The following BCAP29 variants were observed in gnomAD, a reference collection of about 807,000 sequenced individuals.
The protein encoded by BCAP29 is B cell receptor associated protein 29, also known as B-cell receptor-associated protein 29.
In BCAP29, 34 loss-of-function variants were observed where a neutral mutation model predicts 31.8. The observed-to-expected ratio is 1.07, with a 90% confidence interval of 0.81 to 1.42. The LOEUF (loss-of-function observed/expected upper bound fraction) is 1.42. Among genes scored for constraint, BCAP29 ranks in the 40% most tolerant of loss-of-function variants. BCAP29 has a pLI of 0.00. For synonymous variants in BCAP29, 104 were observed against 91.3 expected (o/e 1.14, Z -0.79); for missense variants, 314 against 269.2 (o/e 1.17, Z -1.16).
chr7:107,621,277 C>T (rs923451024), downstream of BCAP29: 2 of 197,434 alleles, frequency 1.0e-5, no homozygotes, highest in Non-Finnish European at 2.1e-5. Context: ...TGGAACCCTC[C>T]TGTGTTTTTT....
rs1221398128 is a variant in BCAP29 at position 107,590,999 on chromosome 7, T to C, written c.194-2956T>C. ...CTATAAGCAGTAAACAATAGGCAAA[T>C]GACATTTTTAAAAATTCCTTTTCTA... On this transcript the variant is annotated intron_variant, in intron 3 of 7. Coordinates refer to ENST00000005259, the MANE Select transcript of BCAP29 (RefSeq NM_018844.4). 3.3e-5 allele frequency among the ~76,000 whole-genome samples: 5 copies of C among 152,062 alleles called. No individual in the cohort carries two copies. The South Asian group carries it at 8.3e-4, about 25-fold the overall frequency.
At chr7:107,595,312 AG>A (rs890506826) in intron 4 of BCAP29, among the ~76,000 whole-genome samples, 4 of 152,244 alleles carry the variant, frequency 2.6e-5, no homozygotes, top group African/African-American at 9.6e-5. Context: ...TAAACCCCTG[AG>A]GGCATGGACT....
chr7:107,583,782 C>T, intron 2 of BCAP29, 100 bp from the exon 3 acceptor site: 1 of 506,816 alleles, frequency 2.0e-6, no homozygotes, highest in South Asian at 4.7e-5. Flanking sequence ...GTAATTTTCA[C>T]TTGCTACACA....
intron 3 of BCAP29, among the ~76,000 whole-genome samples, chr7:107,591,759 A>G (rs920839677): frequency 6.6e-5 from 10 of 150,462 alleles, no homozygotes; most frequent in African/African-American, 2.2e-4. Flanking sequence ...AGCATAAACT[A>G]TGAGGGATTC....
chr7:107,599,189 G>GTATATAAATATATATAAA (rs1810501397), intron 5 of BCAP29, among the ~76,000 whole-genome samples: 3 of 23,874 alleles, frequency 1.3e-4, no homozygotes, highest in African/African-American at 5.4e-4. Flanking sequence ...AAATTTATAT[G>GTATATAAATATATATAAA]TATATAAATA....
Position 107,580,753 on chromosome 7 carries a change from A to C in BCAP29, c.-14-6A>C, listed in dbSNP as rs1288451958. The C allele has an allele frequency of 2.5e-6, 4 of 1,574,380 alleles. No individual in the cohort carries two copies. The highest frequency in any genetic ancestry group is 3.5e-6 in the Non-Finnish European group (4 of 1,156,034). On this transcript the variant is annotated splice_region_variant and splice_polypyrimidine_tract_variant and intron_variant, in intron 1 of 7. Coordinates refer to ENST00000005259, the MANE Select transcript of BCAP29 (RefSeq NM_018844.4). Reference sequence around the variant, plus strand: ...AGCAAGAGAAAATAAGTGTTTTTCCATTTAGGTGTGAAGAAAAAAATGACA... The same window carrying C: ...AGCAAGAGAAAATAAGTGTTTTTCCCTTTAGGTGTGAAGAAAAAAATGACA...
chr7:107,590,255 A>T (rs1808477345), intron 3 of BCAP29, among the ~76,000 whole-genome samples: 1 of 152,148 alleles, frequency 6.6e-6, no homozygotes, highest in Admixed American at 6.5e-5. Context: ...AAAAAATAAT[A>T]TTCACTCAGT....
intron 5 of BCAP29, among the ~76,000 whole-genome samples, chr7:107,598,211 T>A (rs1187959317): frequency 6.6e-6 from 1 of 152,244 alleles, no homozygotes; most frequent in Non-Finnish European, 1.5e-5. Flanking sequence ...GGGTAATCAC[T>A]GGAGATTTTA....
intron 6 of BCAP29, 98 bp downstream of exon 6, chr7:107,600,603 T>A (rs1326592915): frequency 1.6e-6 from 1 of 641,686 alleles, no homozygotes; most frequent in Non-Finnish European, 2.7e-6. Context: ...TGCCTAAATG[T>A]TCTTCTAAGA....
intron 7 of BCAP29, chr7:107,616,536 TTAAA>T (rs1256240209): frequency 6.6e-6 from 1 of 152,234 alleles, no homozygotes; most frequent in Admixed American, 6.5e-5. Flanking sequence ...ACTTTACTAC[TTAAA>T]TAAAGGTTGT....
At chr7:107,610,173 A>G (rs1027217747) in intron 6 of BCAP29, among the ~76,000 whole-genome samples, 4 of 152,232 alleles carry the variant, frequency 2.6e-5, no homozygotes, top group Non-Finnish European at 4.4e-5. Flanking sequence ...ATATTAATAA[A>G]TGATGCAAGT....
In BCAP29 at chr7:107,612,420, TATATATATA is replaced by T. The variant is rs1563141369; in HGVS notation, c.590-911_590-903del. 6.3e-4 allele frequency among the ~76,000 whole-genome samples: 28 copies of T among 44,286 alleles called. 2 individuals are homozygous for T. The highest frequency in any genetic ancestry group is 1.4e-3 in the African/African-American group (28 of 20,186). 29.1% of individuals were successfully genotyped at this position (44,286 alleles called of 152,430 possible). A position where few individuals can be genotyped will look rare whatever the true frequency, so the allele number is the denominator to read the frequency against. On this transcript the variant is annotated intron_variant, in intron 6 of 7. Coordinates refer to ENST00000005259, the MANE Select transcript of BCAP29 (RefSeq NM_018844.4). ...ATATATATATATATATATATATATA[TATATATATA>T]TATATATATATTTATTTTACTTCTA...
Position 107,613,437 on chromosome 7 carries a change from G to C in BCAP29, c.690+5G>C. On this transcript the variant is annotated splice_donor_5th_base_variant and intron_variant, in intron 7 of 7. Coordinates refer to ENST00000005259, the MANE Select transcript of BCAP29 (RefSeq NM_018844.4). ...AAAGAACACTCTGAACTTCAGGTGG[G>C]TGTGACATGCACTTTATGCACCTAA... The C allele has an allele frequency of 1.3e-6, 2 of 1,587,124 alleles. No individual in the cohort carries two copies. The highest frequency in any genetic ancestry group is 1.7e-6 in the Non-Finnish European group (2 of 1,157,128).
intron 6 of BCAP29, 42 bp downstream of exon 6, chr7:107,600,547 A>G (rs756673018): frequency 4.9e-6 from 6 of 1,216,634 alleles, no homozygotes; most frequent in Non-Finnish European, 6.0e-6. Flanking sequence ...GACTAGCATG[A>G]TATTTTATGC....
At chr7:107,599,640 CT>C (rs1195756975) in intron 5 of BCAP29, among the ~76,000 whole-genome samples, 2 of 151,490 alleles carry the variant, frequency 1.3e-5, no homozygotes, top group Admixed American at 6.6e-5. Context: ...AATTTAAATG[CT>C]TTATCATTTC....
chr7:107,608,154 A>T (rs1420110764), intron 6 of BCAP29, among the ~76,000 whole-genome samples: 2 of 151,840 alleles, frequency 1.3e-5, no homozygotes, highest in Non-Finnish European at 2.9e-5. Context: ...ATCACTGTTC[A>T]CAGCCCACAC....
downstream of BCAP29, chr7:107,622,304 A>G (rs553846377): frequency 5.6e-5 from 9 of 161,690 alleles, no homozygotes; most frequent in South Asian, 5.1e-4. Flanking sequence ...TTGTCTTCCA[A>G]TTCTTTCCAA....
intron 5 of BCAP29, among the ~76,000 whole-genome samples, chr7:107,599,099 A>C (rs1810445483): frequency 7.5e-6 from 1 of 133,750 alleles, no homozygotes; most frequent in South Asian, 2.1e-4. Context: ...TATGTATATA[A>C]ATATATATTT....
In BCAP29 at chr7:107,618,459, C is replaced by A. The variant is rs146893215; in HGVS notation, c.*96C>A. 6.2e-7 allele frequency: 1 copy of A among 1,612,450 alleles called. No homozygotes were observed. The highest frequency in any genetic ancestry group is 1.1e-5 in the South Asian group (1 of 90,926). On this transcript the variant is annotated 3_prime_UTR_variant, in exon 8 of 8. Transcript: ENST00000005259. ...TAAGTTCAGAAAAATGCACTATGAC[C>A]GGTTCGTAATTTTTTTAATGCCACA...
Sources: allele counts gnomAD v4.1 joint callset (sites outside exome capture counted in the v4.1 genomes callset), GRCh38; gene constraint gnomAD v4.1.1; transcripts MANE v1.5; gene names NCBI Gene and HGNC (gene_info 2026-07-23, HGNC 2026-07-21).